GREB1: variants seen among roughly 807,000 people sequenced by gnomAD.
GREB1 encodes growth regulating estrogen receptor binding 1, also known as protein GREB1.
A neutral mutation model predicts 200.7 loss-of-function variants in GREB1; 106 were observed. That is an observed-to-expected ratio of 0.53 (90% CI 0.45 to 0.62). The LOEUF (loss-of-function observed/expected upper bound fraction) is 0.62, where lower values mean the gene tolerates loss of function less well. Among genes scored for constraint, GREB1 ranks in the 20% least tolerant of loss-of-function variants. GREB1 has a pLI of 0.00. For synonymous variants in GREB1, 1,132 were observed against 1,092.4 expected, an observed-to-expected ratio of 1.04 and a Z score of -0.72; for missense variants, 2,243 against 2,556.8, an observed-to-expected ratio of 0.88 and a Z score of 2.65.
intron 1 of GREB1, among the ~76,000 whole-genome samples, chr2:11,554,680 A>G (rs1192651742): frequency 6.6e-6 from 1 of 152,232 alleles, no homozygotes; most frequent in Non-Finnish European, 1.5e-5. Flanking sequence ...TTAAAGATGA[A>G]CAGGCTAGTA....
At chr2:11,494,821 G>A (rs913423977) in intron 1 of GREB1, among the ~76,000 whole-genome samples, 30 of 152,152 alleles carry the variant, frequency 2.0e-4, no homozygotes, top group African/African-American at 7.0e-4. Context: ...AAAATCCAGC[G>A]AGTTTACACC....
intron 1 of GREB1, among the ~76,000 whole-genome samples, chr2:11,485,346 C>T (rs1364673146): frequency 1.3e-5 from 2 of 151,304 alleles, no homozygotes; most frequent in Non-Finnish European, 2.9e-5. Flanking sequence ...AATCTCAGCT[C>T]ACTGCCAACC....
intron 5 of GREB1, among the ~76,000 whole-genome samples, chr2:11,577,559 G>A (rs1679002627): frequency 6.6e-6 from 1 of 152,222 alleles, no homozygotes; most frequent in African/African-American, 2.4e-5. Flanking sequence ...GCAACGCAGG[G>A]TGAGGAGGAG....
At chr2:11,575,648 T>C (rs1438467711) in intron 4 of GREB1, among the ~76,000 whole-genome samples, 1 of 152,190 alleles carries the variant, frequency 6.6e-6, no homozygotes, top group Admixed American at 6.5e-5. Context: ...TGGCCAGATA[T>C]TGTGAAGCGC....
chr2:11,556,509 C>T lies in GREB1; in HGVS notation c.-106C>T, dbSNP rs1173774153. 7.9e-6 allele frequency: 7 copies of T among 884,252 alleles called. No individual in the cohort carries two copies. Among genetic ancestry groups the T allele is most frequent in the East Asian group, 2.5e-5 (1 of 40,052 alleles). The allele number at this position is 884,252 out of a possible 1,614,324, so 54.8% of individuals were successfully genotyped here. ...TCGTCTCTGCTGAGCGAAGGCTACA[C>T]GGCCCTTCCTCCTTGCAGCTGTTTC... On this transcript the variant is annotated 5_prime_UTR_variant, in exon 2 of 33. In the 5' UTR this introduces an upstream ATG that the reference lacks. Coordinates refer to ENST00000381486, the MANE Select transcript of GREB1 (RefSeq NM_014668.4).
At chr2:11,521,341 C>T (rs999265057) in intron 1 of GREB1, among the ~76,000 whole-genome samples, 13 of 152,036 alleles carry the variant, frequency 8.6e-5, no homozygotes, top group Non-Finnish European at 1.6e-4. Flanking sequence ...AACTCCTGGG[C>T]CCAAGCAATT....
chr2:11,614,640 G>A (rs562181288), intron 19 of GREB1, among the ~76,000 whole-genome samples: 1 of 151,430 alleles, frequency 6.6e-6, no homozygotes, highest in South Asian at 2.1e-4. Context: ...CTCGGCTCAC[G>A]GCAAGCTCTG....
intron 17 of GREB1, among the ~76,000 whole-genome samples, chr2:11,606,743 A>G (rs1040879771): frequency 6.8e-6 from 1 of 147,168 alleles, no homozygotes; most frequent in Non-Finnish European, 1.5e-5. Context: ...ATTGATTGCT[A>G]TTTGATTTTA....
At chr2:11,551,079 G>C (rs1675775716) in intron 1 of GREB1, among the ~76,000 whole-genome samples, 2 of 152,200 alleles carry the variant, frequency 1.3e-5, no homozygotes, top group Admixed American at 6.5e-5. Context: ...GCCACCTAGA[G>C]CATGTTGAGC....
At position 11,634,256 on chromosome 2, in the gene GREB1, G is replaced by A. The variant is rs1253007979; in HGVS notation, c.5117G>A (p.Ser1706Asn). ...AAGTGGTCCAGCAAGACCCGGGCCA[G>A]CGAGGTGCAAGAGCCCTTCTCCCGC... The part of the protein sequence containing the change: ...LRKWSSKTRA[S>N]EVQEPFSRCH... The change falls in exon 29 of 33, where the codon AGC becomes AAC. Residue 1706 changes from serine (S) to asparagine (N), a missense_variant. Coordinates refer to ENST00000381486, the MANE Select transcript of GREB1 (RefSeq NM_014668.4). The A allele has an allele frequency of 6.2e-7, 1 of 1,614,212 alleles. No homozygotes were observed. The highest frequency in any genetic ancestry group is 1.1e-5 in the South Asian group (1 of 91,088).
intron 9 of GREB1, chr2:11,587,280 C>A: frequency 1.1e-6 from 1 of 887,744 alleles, no homozygotes; most frequent in South Asian, 1.4e-5. Context: ...CTTAGATTCC[C>A]TTTCCTCTGC....
chr2:11,595,581 C>A (rs1427594204), intron 12 of GREB1, among the ~76,000 whole-genome samples: 1 of 152,138 alleles, frequency 6.6e-6, no homozygotes, highest in Non-Finnish European at 1.5e-5. Flanking sequence ...CCATCTCTTC[C>A]TGCTTGAGCT....
chr2:11,597,725 C>A lies in GREB1; in HGVS notation c.1955-56C>A. The stretch of plus-strand genomic sequence containing the variant: ...TCTCACTGATTCTCTGGCCAAGGGC[C>A]TGGCAGTAGCCGTGTGCCCTGGAGC... On this transcript the variant is annotated intron_variant, in intron 13 of 32. Transcript: ENST00000381486. This position sits in a 1 kb window ranked among gnomAD's most constrained non-coding sequence, Gnocchi z 4.1. The A allele has an allele frequency of 1.3e-6, 2 of 1,516,140 alleles. No homozygotes were observed. The highest frequency in any genetic ancestry group is 1.1e-5 in the South Asian group (1 of 89,136). 93.9% of individuals were successfully genotyped at this position (1,516,140 alleles called of 1,614,324 possible). A position where few individuals can be genotyped will look rare whatever the true frequency, so the allele number is the denominator to read the frequency against.
chr2:11,635,321 C>G lies in GREB1; in HGVS notation c.5262C>G (p.Leu1754=). ...DFNLRVHSAG[L]LLCRFNRFSV... is the part of the protein sequence containing the mutation. ...ACCTGCGGGTGCACAGCGCCGGCCTCCTGCTCTGCCGGTTCAACCGCTTCA... is the reference window on the plus strand; with the variant it reads ...ACCTGCGGGTGCACAGCGCCGGCCTGCTGCTCTGCCGGTTCAACCGCTTCA... The change falls in exon 30 of 33, where the codon CTC becomes CTG. Residue 1754 remains leucine, a synonymous_variant. Transcript: ENST00000381486. The G allele has an allele frequency of 6.2e-7, 1 of 1,614,172 alleles. No individual in the cohort carries two copies. Among genetic ancestry groups the G allele is most frequent in the South Asian group, 1.1e-5 (1 of 91,084 alleles).
chr2:11,602,483 C>T lies in GREB1; in HGVS notation c.2607C>T (p.Ser869=). The T allele has an allele frequency of 6.2e-7, 1 of 1,612,956 alleles. No homozygotes were observed. Among genetic ancestry groups the T allele is most frequent in the Non-Finnish European group, 8.5e-7 (1 of 1,178,884 alleles). ...EFIESTLSGH[S]LPLLRYDSSF... is the part of the protein sequence containing the mutation. The stretch of plus-strand genomic sequence containing the variant: ...TTGAATCCACCCTTTCAGGACACAG[C>T]CTCCCCTTGCTCAGATACGATAGCT... The change falls in exon 17 of 33, where the codon AGC becomes AGT. Residue 869 remains serine (S), a synonymous_variant. Transcript: ENST00000381486.
chr2:11,611,775 G>T (rs1682951755), intron 18 of GREB1, among the ~76,000 whole-genome samples: 1 of 152,322 alleles, frequency 6.6e-6, no homozygotes, highest in African/African-American at 2.4e-5. Flanking sequence ...ACAGCGCCTG[G>T]CCCATAGTAG....
rs1443122851 is a variant in GREB1, at chr2:11,548,656, G to A, written c.-161-7798G>A. Among the ~76,000 whole-genome samples the A allele has an allele frequency of 6.6e-6, 1 of 152,018 alleles. No homozygotes were observed. The highest frequency in any genetic ancestry group is 1.5e-5 in the Non-Finnish European group (1 of 68,018). ...GGAGGCCTCCTTCCTGGAGCCTTCT[G>A]TCCCTGCTCCAGTGTGGATCATTTA... On this transcript the variant is annotated intron_variant, in intron 1 of 32. Transcript: ENST00000381486. The surrounding 1 kb of genome is among the most constrained non-coding windows in gnomAD (Gnocchi z 5.1).
Position 11,640,439 on chromosome 2 carries a change from G to A in GREB1, c.5835G>A (p.Thr1945=), listed in dbSNP as rs376089071. The change falls in exon 33 of 33, where the codon ACG becomes ACA. Residue 1945 remains threonine (T), a synonymous_variant. Transcript: ENST00000381486. The surrounding 1 kb of genome is among the most constrained non-coding windows in gnomAD (Gnocchi z 4.6). ...AREDRPLFFL[T]GRHI is the part of the protein sequence containing the mutation. ...AAGACCGGCCGCTCTTTTTTCTGAC[G>A]GGACGACACATCTGAGGAAGACAGC... 1.0e-4 allele frequency: 167 copies of A among 1,614,086 alleles called. No individual in the cohort carries two copies. The Middle Eastern group carries it at 2.1e-3, about 21-fold the overall frequency.
intron 1 of GREB1, among the ~76,000 whole-genome samples, chr2:11,550,285 G>T (rs1291498579): frequency 6.6e-6 from 1 of 152,168 alleles, no homozygotes; most frequent in African/African-American, 2.4e-5. Context: ...CACAGAAGGT[G>T]ATTGGATATG....
Sources: gnomAD v4.1 joint callset for allele counts (sites outside exome capture counted in the v4.1 genomes callset) on GRCh38, gnomAD v4.1.1 for gene constraint, Gnocchi (gnomAD v3.1) non-coding constraint, MANE v1.5 for transcripts, NCBI Gene and HGNC (gene_info 2026-07-23, HGNC 2026-07-21) for gene names.